RARB: variants seen among roughly 807,000 people sequenced by gnomAD.
RARB encodes retinoic acid receptor beta.
In RARB, 17 loss-of-function variants were observed where a neutral mutation model predicts 51.9. That is an observed-to-expected ratio of 0.33 (90% confidence interval 0.22 to 0.49). The LOEUF is 0.49. RARB is among the 20% of genes least tolerant of loss of function. The probability of loss-of-function intolerance (pLI) is 0.99; values close to 1 mark genes in which losing one functional copy is unlikely to be tolerated. For synonymous variants in RARB, 215 were observed against 195.4 expected, an observed-to-expected ratio of 1.10 and a Z score of -0.84; for missense variants, 369 against 550.8, an observed-to-expected ratio of 0.67 and a Z score of 3.30.
Position 25,161,682 on chromosome 3 carries a change from T to C in RARB, c.-279-12437T>C, listed in dbSNP as rs547892184. Among the ~76,000 whole-genome samples the C allele has an allele frequency of 5.8e-4, 89 of 152,366 alleles. No homozygotes were observed. In the South Asian group the frequency reaches 0.018, roughly 31 times the overall value. ...TTCCCACTTTTCTTAGTACATATTC[T>C]TGTGCATATCTCTTTGCAGAGCTAG... On this transcript the variant is annotated intron_variant, in intron 4 of 11. Transcript: ENST00000383772.
chr3:25,349,316 C>A (rs1416830630), intron 5 of RARB, among the ~76,000 whole-genome samples: 1 of 152,158 alleles, frequency 6.6e-6, no homozygotes, highest in African/African-American at 2.4e-5. Context: ...TTGAACAAGA[C>A]TTTGTTGCCA....
intron 2 of RARB, among the ~76,000 whole-genome samples, chr3:24,883,947 G>C (rs936432628): frequency 2.0e-5 from 3 of 152,054 alleles, no homozygotes; most frequent in African/African-American, 7.2e-5. Flanking sequence ...ATTCTTACCA[G>C]CAAAACCAGG....
At chr3:25,285,644 A>G (rs1368029598) in intron 5 of RARB, among the ~76,000 whole-genome samples, 1 of 152,156 alleles carries the variant, frequency 6.6e-6, no homozygotes, top group African/African-American at 2.4e-5. Context: ...AGAGGGGAGT[A>G]TTTCAGAAAC....
At chr3:25,027,261 C>A (rs949266332) in intron 2 of RARB, among the ~76,000 whole-genome samples, 4 of 151,970 alleles carry the variant, frequency 2.6e-5, no homozygotes, top group East Asian at 1.9e-4. Context: ...GAAGGGGGAG[C>A]GAGTTTTGAT....
intron 5 of RARB, among the ~76,000 whole-genome samples, chr3:25,272,803 C>T (rs374516902): frequency 1.6e-4 from 24 of 152,164 alleles, no homozygotes; most frequent in African/African-American, 4.8e-4. Flanking sequence ...CAGGAGACTC[C>T]GGTTTGATTT....
chr3:25,118,397 C>T (rs1425496548), intron 3 of RARB, among the ~76,000 whole-genome samples: 1 of 152,144 alleles, frequency 6.6e-6, no homozygotes, highest in Non-Finnish European at 1.5e-5. Flanking sequence ...CTCTTTCACA[C>T]CTTGTGTCTG....
chr3:24,834,035 T>C (rs2125327168), intron 1 of RARB, among the ~76,000 whole-genome samples: 1 of 152,346 alleles, frequency 6.6e-6, no homozygotes, highest in East Asian at 1.9e-4. Flanking sequence ...TTGCAGATTA[T>C]ATAAGTTTCA....
At chr3:24,974,604 C>A (rs896930401) in intron 2 of RARB, among the ~76,000 whole-genome samples, 3 of 151,886 alleles carry the variant, frequency 2.0e-5, no homozygotes, top group Non-Finnish European at 4.4e-5. Context: ...AATGGTATTC[C>A]CTCCCAGTAA....
At chr3:24,839,038 G>A (rs975161885) in intron 1 of RARB, among the ~76,000 whole-genome samples, 3 of 151,724 alleles carry the variant, frequency 2.0e-5, no homozygotes, top group Non-Finnish European at 4.4e-5. Context: ...AGCAATTTAT[G>A]GTTTTAGTCA....
chr3:25,567,545 C>T (rs114123182), intron 3 of RARB, among the ~76,000 whole-genome samples: 156 of 152,282 alleles, frequency 1.0e-3, no homozygotes, highest in African/African-American at 3.5e-3. Context: ...TCCCCGTCAT[C>T]GGGTGATGAA....
chr3:25,587,245 C>T (rs548861460), intron 5 of RARB, among the ~76,000 whole-genome samples: 2 of 152,310 alleles, frequency 1.3e-5, no homozygotes, highest in Admixed American at 6.5e-5. Flanking sequence ...CCTAGGCTGC[C>T]TTTATGAAGT....
At chr3:25,076,276 G>C (rs866012167) in intron 3 of RARB, among the ~76,000 whole-genome samples, 1 of 152,190 alleles carries the variant, frequency 6.6e-6, no homozygotes, top group Middle Eastern at 3.4e-3. Flanking sequence ...GAGTAGCTGG[G>C]ACTACAGGTA....
intron 5 of RARB, among the ~76,000 whole-genome samples, chr3:25,357,325 A>C (rs1337800039): frequency 2.6e-5 from 4 of 152,154 alleles, no homozygotes; most frequent in Non-Finnish European, 5.9e-5. Context: ...TTTCAAAAGT[A>C]TCTGCTCATA....
intron 5 of RARB, among the ~76,000 whole-genome samples, chr3:25,397,396 A>G (rs2125491767): frequency 6.6e-6 from 1 of 152,298 alleles, no homozygotes; most frequent in East Asian, 1.9e-4. Flanking sequence ...GCTGTCCCAC[A>G]GAGTTTACAG....
At chr3:25,157,380 G>GTGTGTGTGTGTGTA (rs758200423) in intron 4 of RARB, among the ~76,000 whole-genome samples, 116 of 146,754 alleles carry the variant, frequency 7.9e-4, no homozygotes, top group South Asian at 4.9e-3. Flanking sequence ...GTGTGTGTGT[G>GTGTGTGTGTGTGTA]TATATATATG....
chr3:24,958,317 T>C (rs1342407409), intron 2 of RARB, among the ~76,000 whole-genome samples: 2 of 142,076 alleles, frequency 1.4e-5, no homozygotes, highest in Non-Finnish European at 3.0e-5. Context: ...CAGGGAACTT[T>C]AGAACTAATA....
At chr3:24,979,453 A>T (rs1449282162) in intron 2 of RARB, among the ~76,000 whole-genome samples, 1 of 152,126 alleles carries the variant, frequency 6.6e-6, no homozygotes, top group African/African-American at 2.4e-5. Flanking sequence ...TAGGATAGTT[A>T]GCTCTTCTTG....
intron 5 of RARB, among the ~76,000 whole-genome samples, chr3:25,200,366 CA>C (rs1478778880): frequency 6.6e-6 from 1 of 151,758 alleles, no homozygotes; most frequent in Non-Finnish European, 1.5e-5. Context: ...AAGTAGATTG[CA>C]AAAATTTTCT....
intron 2 of RARB, among the ~76,000 whole-genome samples, chr3:25,005,237 G>T (rs561192844): frequency 6.6e-6 from 1 of 152,122 alleles, no homozygotes; most frequent in South Asian, 2.1e-4. Context: ...TTCCACCTTT[G>T]CCTGTATCAG....
Sources: allele counts gnomAD v4.1 joint callset (sites outside exome capture counted in the v4.1 genomes callset), GRCh38; gene constraint gnomAD v4.1.1; transcripts MANE v1.5; gene names NCBI Gene and HGNC (gene_info 2026-07-23, HGNC 2026-07-21).